The following NAALAD2 variants were observed in gnomAD, a reference collection of about 807,000 sequenced individuals.
NAALAD2 encodes N-acetylated-alpha-linked acidic dipeptidase 2.
NAALAD2 carries 89 observed loss-of-function variants against 95.6 expected under a neutral mutation model. The observed-to-expected ratio is 0.93, with a 90% CI of 0.78 to 1.11. NAALAD2 has a LOEUF of 1.11. NAALAD2 is among the 50% of genes least tolerant of loss of function. NAALAD2 has a pLI of 0.00. For missense variants in NAALAD2, 894 were observed against 872.4 expected, an observed-to-expected ratio of 1.02 and a Z score of -0.31; for synonymous variants, 264 against 294.4, an observed-to-expected ratio of 0.90 and a Z score of 1.06.
chr11:90,178,204 C>G, intron 16 of NAALAD2, 87 bp downstream of exon 16: 2 of 1,381,122 alleles, frequency 1.4e-6, no homozygotes, highest in East Asian at 2.3e-5. Context: ...CATATTGTTT[C>G]ATCCTAGAAT....
chr11:90,154,882 AATATATGTATATATTATATACGTATAC>A (rs1565521399), intron 6 of NAALAD2, among the ~76,000 whole-genome samples: 2 of 81,512 alleles, frequency 2.5e-5, no homozygotes, highest in African/African-American at 1.0e-4. Context: ...ACGTATACAT[AATATATGTATATATTATATACGTATAC>A]ATATGTATAT....
At chr11:90,170,628 A>G (rs1459150770) in intron 13 of NAALAD2, among the ~76,000 whole-genome samples, 1 of 152,202 alleles carries the variant, frequency 6.6e-6, no homozygotes, top group Admixed American at 6.5e-5. Context: ...AGAATTCACT[A>G]GAATATTTGA....
Position 90,182,940 on chromosome 11 carries a change from T to G in NAALAD2, c.1965T>G (p.Asn655Lys). Residue 655 changes from asparagine (N) to lysine (K), a missense_variant, in exon 18 of 19, where the codon AAT becomes AAG. Coordinates refer to ENST00000534061, the MANE Select transcript of NAALAD2 (RefSeq NM_005467.4). ...GTCCCATTGCAGTGAGAATGATGAA[T>G]GACCAACTGATGCTCCTGGAAAGAG... ...LNNPIAVRMM[N>K]DQLMLLERAF... The G allele has an allele frequency of 1.2e-6, 2 of 1,611,892 alleles. No individual in the cohort carries two copies. The highest frequency in any genetic ancestry group is 1.7e-6 in the Non-Finnish European group (2 of 1,178,364).
chr11:90,167,306 G>T (rs1393554852), intron 11 of NAALAD2, among the ~76,000 whole-genome samples: 2 of 152,184 alleles, frequency 1.3e-5, no homozygotes, highest in Non-Finnish European at 2.9e-5. Context: ...TGCAAGCCCG[G>T]GGCAGTAAGG....
At chr11:90,153,231 G>C (rs1404363676) in intron 6 of NAALAD2, among the ~76,000 whole-genome samples, 1 of 152,136 alleles carries the variant, frequency 6.6e-6, no homozygotes, top group East Asian at 1.9e-4. Flanking sequence ...GGCTATTACA[G>C]ATAAAGGTGT....
intron 16 of NAALAD2, among the ~76,000 whole-genome samples, chr11:90,181,364 A>C (rs1449860958): frequency 2.0e-5 from 3 of 152,136 alleles, no homozygotes; most frequent in African/African-American, 7.2e-5. Context: ...TTTCTGGTAA[A>C]CTATGGGTTA....
intron 8 of NAALAD2, among the ~76,000 whole-genome samples, chr11:90,160,195 T>C (rs1357098271): frequency 6.6e-6 from 1 of 152,150 alleles, no homozygotes. Flanking sequence ...TTTATTGAGC[T>C]TAGTCTTACA....
chr11:90,155,463 A>G (rs1460111342), intron 6 of NAALAD2, among the ~76,000 whole-genome samples: 7 of 113,132 alleles, frequency 6.2e-5, no homozygotes, highest in South Asian at 2.4e-4. Flanking sequence ...AATATGTAAT[A>G]TTACATATAC....
chr11:90,166,303 GT>G (rs1418124905), intron 11 of NAALAD2, among the ~76,000 whole-genome samples: 1 of 152,196 alleles, frequency 6.6e-6, no homozygotes, highest in African/African-American at 2.4e-5. Context: ...CTGTGTGTGT[GT>G]GTTTGTGTAT....
chr11:90,163,328 G>T lies in NAALAD2; in HGVS notation c.1094G>T (p.Gly365Val), dbSNP rs267603237. The T allele has an allele frequency of 1.2e-6, 2 of 1,613,690 alleles. No individual in the cohort carries two copies. Among genetic ancestry groups the T allele is most frequent in the South Asian group, 1.1e-5 (1 of 91,026 alleles). The change falls in exon 10 of 19, where the codon GGA becomes GTA. Residue 365 changes from glycine to valine, a missense_variant. Physicochemically the swap from Gly to Val is moderately radical, Grantham distance 109. Transcript: ENST00000534061. ...SVEPDRYVIL[G>V]GHRDSWVFGA... ...TTTCCAGACAGGTATGTTATTCTGG[G>T]AGGTCACCGGGACTCCTGGGTATTT...
intron 16 of NAALAD2, among the ~76,000 whole-genome samples, 184 bp from the exon 17 acceptor site, chr11:90,181,436 T>G (rs112651651): frequency 5.3e-4 from 80 of 152,230 alleles, no homozygotes; most frequent in African/African-American, 1.8e-3. Flanking sequence ...TGTTACCATT[T>G]TTTGTTTTCA....
chr11:90,163,013 A>C lies in NAALAD2; in HGVS notation c.1054A>C (p.Ile352Leu), dbSNP rs760862911. 1.3e-6 allele frequency: 2 copies of C among 1,573,472 alleles called. No homozygotes were observed. Among genetic ancestry groups the C allele is most frequent in the Non-Finnish European group, 1.7e-6 (2 of 1,156,384 alleles). ...AAGGATTTACAATGTAGTTGGAACT[A>C]TCAGAGGATCTGTGGAACCTGGTGA... ...ITRIYNVVGTIRGSVEPDRYV... is the reference protein window; with the variant it reads ...ITRIYNVVGTLRGSVEPDRYV... The change falls in exon 9 of 19, where the codon ATC (isoleucine) becomes CTC (leucine). Residue 352 changes from isoleucine to leucine, a missense_variant. By Grantham distance (5) the Ile-to-Leu change is conservative. Transcript: ENST00000534061.
At chr11:90,177,096 A>G (rs1339972879) in intron 15 of NAALAD2, among the ~76,000 whole-genome samples, 1 of 152,184 alleles carries the variant, frequency 6.6e-6, no homozygotes, top group Non-Finnish European at 1.5e-5. Context: ...CGATAGCCAT[A>G]CAAGGTGGCA....
At chr11:90,189,853 C>T (rs1038133031) in intron 18 of NAALAD2, among the ~76,000 whole-genome samples, 3 of 152,074 alleles carry the variant, frequency 2.0e-5, no homozygotes, top group African/African-American at 7.2e-5. Flanking sequence ...GGAAAAAAGA[C>T]TATGAAGTGT....
intron 3 of NAALAD2, among the ~76,000 whole-genome samples, chr11:90,147,731 C>T (rs1403928891): frequency 3.9e-5 from 6 of 152,028 alleles, no homozygotes; most frequent in Non-Finnish European, 8.8e-5. Flanking sequence ...TACTTCAGAC[C>T]TCAAATTAGT....
chr11:90,137,799 TTTGTTGTTG>T (rs544029888), intron 2 of NAALAD2, among the ~76,000 whole-genome samples: 4 of 151,754 alleles, frequency 2.6e-5, no homozygotes, highest in Non-Finnish European at 4.4e-5. Flanking sequence ...TTTTATTTAT[TTTGTTGTTG>T]TTGTTGTTGT....
intron 11 of NAALAD2, among the ~76,000 whole-genome samples, chr11:90,166,835 CAAAA>C (rs1242969059): frequency 6.2e-5 from 4 of 64,710 alleles, no homozygotes; most frequent in African/African-American, 6.4e-5. Context: ...ATTCTGTCTC[CAAAA>C]AAAAAAAAAA....
chr11:90,139,000 G>A (rs955362648), intron 2 of NAALAD2, among the ~76,000 whole-genome samples: 4 of 151,930 alleles, frequency 2.6e-5, no homozygotes, highest in Non-Finnish European at 5.9e-5. Flanking sequence ...ATAGAGTGCA[G>A]TGAGCCTTAA....
chr11:90,150,644 G>A, intron 5 of NAALAD2, 37 bp downstream of exon 5: 1 of 1,508,304 alleles, frequency 6.6e-7, no homozygotes, highest in East Asian at 2.3e-5. Flanking sequence ...AGAATGAGAG[G>A]ATATATATAT....
Sources: allele counts gnomAD v4.1 joint callset (sites outside exome capture counted in the v4.1 genomes callset), GRCh38; gene constraint gnomAD v4.1.1; transcripts MANE v1.5; gene names NCBI Gene and HGNC (gene_info 2026-07-23, HGNC 2026-07-21).